TBC1D22A: variants seen among roughly 807,000 people sequenced by gnomAD.
TBC1D22A encodes the protein putative GTPase activator.
In TBC1D22A, 38 loss-of-function variants were observed where a neutral mutation model predicts 60.2. The observed-to-expected ratio is 0.63, with a 90% CI of 0.49 to 0.83. The LOEUF (loss-of-function observed/expected upper bound fraction) is 0.83. Ranked by LOEUF, TBC1D22A falls within the 40% of genes least tolerant of loss-of-function variation. The probability of loss-of-function intolerance (pLI) is 0.00; values close to 1 mark genes in which losing one functional copy is unlikely to be tolerated. For synonymous variants in TBC1D22A, 302 were observed against 281.7 expected, an observed-to-expected ratio of 1.07 and a Z score of -0.72; for missense variants, 628 against 701.0, an observed-to-expected ratio of 0.90 and a Z score of 1.18.
chr22:46,806,750 C>T (rs2085157738), intron 4 of TBC1D22A, among the ~76,000 whole-genome samples: 1 of 152,122 alleles, frequency 6.6e-6, no homozygotes, highest in Non-Finnish European at 1.5e-5. Context: ...GTCACCCAAG[C>T]CTGAGGACAG....
rs182609171 is a variant in TBC1D22A, at chr22:46,851,896, G to A, written c.638-26757G>A. 2.9e-3 allele frequency among the ~76,000 whole-genome samples: 440 copies of A among 152,322 alleles called. 5 individuals are homozygous for A. Among genetic ancestry groups the A allele is most frequent in the Middle Eastern group, 3.4e-3 (1 of 294 alleles). On this transcript the variant is annotated intron_variant, in intron 4 of 12. Transcript: ENST00000337137. Reference sequence around the variant, plus strand: ...TGAATGTCATGTTGGTCAAAGTAGGGCACATTAAGAGGCAGGGGTCATGAG... The same window carrying A: ...TGAATGTCATGTTGGTCAAAGTAGGACACATTAAGAGGCAGGGGTCATGAG...
At chr22:46,901,180 G>T (rs1370208465) in intron 7 of TBC1D22A, among the ~76,000 whole-genome samples, 1 of 152,170 alleles carries the variant, frequency 6.6e-6, no homozygotes, top group Non-Finnish European at 1.5e-5. Context: ...AAGTTTGTTG[G>T]CATCTAACGT....
At chr22:47,076,067 A>G (rs573589490) in intron 11 of TBC1D22A, among the ~76,000 whole-genome samples, 2 of 152,286 alleles carry the variant, frequency 1.3e-5, no homozygotes, top group African/African-American at 4.8e-5. Context: ...CAGAATTACA[A>G]GGACAGATTG....
At chr22:47,160,755 G>A (rs1482126315) in intron 12 of TBC1D22A, among the ~76,000 whole-genome samples, 2 of 152,182 alleles carry the variant, frequency 1.3e-5, no homozygotes, top group East Asian at 1.9e-4. Context: ...CACGGGGACC[G>A]AGATGGCAAA....
chr22:46,934,788 AC>A (rs1202854883), intron 8 of TBC1D22A, among the ~76,000 whole-genome samples: 4 of 129,720 alleles, frequency 3.1e-5, no homozygotes, highest in Non-Finnish European at 6.2e-5. Flanking sequence ...TGTTGGTGTT[AC>A]GCTGCTGGAG....
chr22:46,904,097 A>ATCTG, intron 7 of TBC1D22A, among the ~76,000 whole-genome samples: 1 of 28,716 alleles, frequency 3.5e-5, no homozygotes, highest in African/African-American at 1.1e-4. Context: ...TCTAAATAAA[A>ATCTG]TCTATCTATC....
At chr22:46,986,910 G>A (rs968845419) in intron 9 of TBC1D22A, among the ~76,000 whole-genome samples, 2 of 152,148 alleles carry the variant, frequency 1.3e-5, no homozygotes, top group African/African-American at 4.8e-5. Flanking sequence ...TCAGGTGGTG[G>A]CTGGAAGCAT....
At chr22:47,020,089 A>G (rs2062036311) in intron 10 of TBC1D22A, among the ~76,000 whole-genome samples, 1 of 152,002 alleles carries the variant, frequency 6.6e-6, no homozygotes, top group Non-Finnish European at 1.5e-5. Flanking sequence ...CCATCCATTC[A>G]TGGAAAACTT....
In TBC1D22A at chr22:47,009,576, T is replaced by C. The variant is rs113396936; in HGVS notation, c.1201+11867T>C. On this transcript the variant is annotated intron_variant, in intron 10 of 12. Coordinates refer to ENST00000337137, the MANE Select transcript of TBC1D22A (RefSeq NM_014346.5). This position sits in a 1 kb window ranked among gnomAD's most constrained non-coding sequence, Gnocchi z 5.8. ...CATCATTACGTCATCACCAGCATCA[T>C]CATCACCATCACCATCATTCTGTCA... 3.3e-3 allele frequency among the ~76,000 whole-genome samples: 500 copies of C among 151,868 alleles called. 3 individuals are homozygous for C. The highest frequency in any genetic ancestry group is 0.012 in the African/African-American group (484 of 41,414).
intron 4 of TBC1D22A, among the ~76,000 whole-genome samples, chr22:46,847,456 T>A (rs2087053993): frequency 6.6e-6 from 1 of 152,216 alleles, no homozygotes; most frequent in African/African-American, 2.4e-5. Context: ...TTTCCTCACT[T>A]CTGTTTGTCA....
rs558299042 is a variant in TBC1D22A, at chr22:47,034,489, G to A, written c.1202-2582G>A. On this transcript the variant is annotated intron_variant, in intron 10 of 12. Coordinates refer to ENST00000337137, the MANE Select transcript of TBC1D22A (RefSeq NM_014346.5). Reference sequence around the variant, plus strand: ...CTCCCGTGGTGATGATGAAGAGGAGGGGGAGGAGGAAGATGAAGACACGAT... The same window carrying A: ...CTCCCGTGGTGATGATGAAGAGGAGAGGGAGGAGGAAGATGAAGACACGAT... 2.8e-3 allele frequency among the ~76,000 whole-genome samples: 426 copies of A among 152,290 alleles called. 3 individuals carry two copies. Among genetic ancestry groups the A allele is most frequent in the Non-Finnish European group, 4.9e-3 (336 of 68,010 alleles).
At position 46,891,348 on chromosome 22, in the gene TBC1D22A, A is replaced by T. The variant is rs751940883; in HGVS notation, c.791A>T (p.Tyr264Phe). Residue 264 changes from tyrosine to phenylalanine, a missense_variant, in exon 6 of 13, where the codon TAT becomes TTT. Coordinates refer to ENST00000337137, the MANE Select transcript of TBC1D22A (RefSeq NM_014346.5). ...QKEYFAFIEH[Y>F]YDSRNDEVHQ... ...GAATATTTTGCATTTATTGAGCACT[A>T]TTACGATTCTAGGAACGACGAAGTT... The T allele has an allele frequency of 6.2e-7, 1 of 1,613,368 alleles. No homozygotes were observed. Among genetic ancestry groups the T allele is most frequent in the Non-Finnish European group, 8.5e-7 (1 of 1,179,770 alleles).
At chr22:46,940,105 C>A (rs978082511) in intron 8 of TBC1D22A, among the ~76,000 whole-genome samples, 8 of 152,188 alleles carry the variant, frequency 5.3e-5, no homozygotes. Context: ...TTGTACTATA[C>A]TGTCATCTAT....
chr22:46,996,105 T>TC (rs1329427363), intron 9 of TBC1D22A, among the ~76,000 whole-genome samples: 2 of 152,042 alleles, frequency 1.3e-5, no homozygotes, highest in African/African-American at 4.8e-5. Context: ...CAGCAGATCA[T>TC]CCCCCACTGT....
At chr22:46,898,435 T>C (rs2068800379) in intron 7 of TBC1D22A, among the ~76,000 whole-genome samples, 1 of 152,146 alleles carries the variant, frequency 6.6e-6, no homozygotes, top group African/African-American at 2.4e-5. Flanking sequence ...GCTCCAAATT[T>C]AAAGGGGACA....
intron 4 of TBC1D22A, among the ~76,000 whole-genome samples, chr22:46,823,017 G>A (rs17762181): frequency 0.073 from 11,163 of 152,158 alleles, 580 homozygotes; most frequent in Non-Finnish European, 0.11. Flanking sequence ...TCGGTGCTGG[G>A]ACCATTCAGA....
intron 12 of TBC1D22A, among the ~76,000 whole-genome samples, chr22:47,120,191 A>G (rs2066221697): frequency 6.6e-6 from 1 of 152,182 alleles, no homozygotes; most frequent in Non-Finnish European, 1.5e-5. Context: ...TAAGAGATTC[A>G]GTAGCTTTTC....
At chr22:47,138,222 C>G (rs1371895664) in intron 12 of TBC1D22A, among the ~76,000 whole-genome samples, 2 of 152,180 alleles carry the variant, frequency 1.3e-5, no homozygotes, top group Non-Finnish European at 2.9e-5. Context: ...TTTATAAAAG[C>G]GACAGCATCT....
At chr22:46,799,044 T>G (rs2084785819) in intron 4 of TBC1D22A, among the ~76,000 whole-genome samples, 1 of 151,492 alleles carries the variant, frequency 6.6e-6, no homozygotes, top group Non-Finnish European at 1.5e-5. Context: ...TGTTTGTTTT[T>G]TTTTGAAACA....
Sources: gnomAD v4.1 joint callset for allele counts (sites outside exome capture counted in the v4.1 genomes callset) on GRCh38, gnomAD v4.1.1 for gene constraint, Gnocchi (gnomAD v3.1) non-coding constraint, MANE v1.5 for transcripts, NCBI Gene and HGNC (gene_info 2026-07-23, HGNC 2026-07-21) for gene names.